The following BMPR1A variants were observed in gnomAD, a reference collection of about 807,000 sequenced individuals.
BMPR1A encodes bone morphogenetic protein receptor type 1A.
BMPR1A carries 7 observed loss-of-function variants against 66.0 expected under a neutral mutation model. That is an observed-to-expected ratio of 0.11 (90% CI 0.06 to 0.20). BMPR1A has a LOEUF of 0.20. Among genes scored for constraint, BMPR1A ranks in the 10% least tolerant of loss-of-function variants. The pLI is 1.00. For synonymous variants in BMPR1A, 200 were observed against 229.7 expected, an observed-to-expected ratio of 0.87 and a Z score of 1.17; for missense variants, 408 against 669.1, an observed-to-expected ratio of 0.61 and a Z score of 4.31.
chr10:86,868,116 T>C (rs1842807775), intron 2 of BMPR1A, among the ~76,000 whole-genome samples: 1 of 152,214 alleles, frequency 6.6e-6, no homozygotes, highest in African/African-American at 2.4e-5. Flanking sequence ...TGGTTGGCTC[T>C]CTTTGCTCCT....
intron 1 of BMPR1A, among the ~76,000 whole-genome samples, chr10:86,758,165 G>A (rs148854357): frequency 4.6e-5 from 7 of 152,312 alleles, no homozygotes; most frequent in Non-Finnish European, 1.0e-4. Context: ...AAGGCCGATT[G>A]AAATGTAGAA....
At position 86,770,376 on chromosome 10, in the gene BMPR1A, C is replaced by T. The variant is rs142285264; in HGVS notation, c.-268+13457C>T. On this transcript the variant is annotated intron_variant, in intron 1 of 12. Coordinates refer to ENST00000372037, the MANE Select transcript of BMPR1A (RefSeq NM_004329.3). ...GCAGTGAGCTATGATCTTATCACTGCACTTCAGTCTGCGAGAGAGAGACCC... is the reference window on the plus strand; with the variant it reads ...GCAGTGAGCTATGATCTTATCACTGTACTTCAGTCTGCGAGAGAGAGACCC... 8.9e-3 allele frequency among the ~76,000 whole-genome samples: 1,283 copies of T among 144,720 alleles called. 20 individuals are homozygous for T. Among genetic ancestry groups the T allele is most frequent in the African/African-American group, 0.034 (1,169 of 34,800 alleles). The allele number at this position is 144,720 out of a possible 152,430, so 94.9% of individuals were successfully genotyped here. A position where few individuals can be genotyped will look rare whatever the true frequency, so the allele number is the denominator to read the frequency against.
chr10:86,820,552 C>T (rs572815840), intron 1 of BMPR1A, among the ~76,000 whole-genome samples: 11 of 152,208 alleles, frequency 7.2e-5, no homozygotes, highest in Non-Finnish European at 1.3e-4. Context: ...TCTCATTATC[C>T]ATCTCTCCAT....
Position 86,845,726 on chromosome 10 carries a change from A to G in BMPR1A, c.-153+6747A>G, listed in dbSNP as rs546909450. 2.6e-5 allele frequency among the ~76,000 whole-genome samples: 4 copies of G among 152,306 alleles called. No homozygotes were observed. In the South Asian group the frequency reaches 8.3e-4, roughly 32 times the overall value. The stretch of plus-strand genomic sequence containing the variant: ...ACTAAAAGAAATATCTAACAGGTGC[A>G]GTGGCTCACGCCTGTAATCCCAGCA... On this transcript the variant is annotated intron_variant, in intron 2 of 12. Coordinates refer to ENST00000372037, the MANE Select transcript of BMPR1A (RefSeq NM_004329.3).
chr10:86,779,505 A>G (rs959026339), intron 1 of BMPR1A, among the ~76,000 whole-genome samples: 5 of 152,104 alleles, frequency 3.3e-5, no homozygotes, highest in African/African-American at 1.2e-4. Context: ...TTACTTGTAT[A>G]TTCTGGATAT....
At position 86,779,451 on chromosome 10, in the gene BMPR1A, T is replaced by TTTGCCCAA. The variant is rs1292882776; in HGVS notation, c.-268+22534_-268+22535insGCCCAATT. Among the ~76,000 whole-genome samples the TTTGCCCAA allele has an allele frequency of 2.6e-5, 4 of 152,216 alleles. No individual in the cohort carries two copies. In the East Asian group the frequency reaches 7.7e-4, roughly 29 times the overall value. ...TTTTCCCCGTTTGCCCATTTGCCCA[T>TTTGCCCAA]TTTTAATTGGATTGTTTATCTTTTT... is the stretch of plus-strand genomic sequence containing the variant. On this transcript the variant is annotated intron_variant, in intron 1 of 12. Coordinates refer to ENST00000372037, the MANE Select transcript of BMPR1A (RefSeq NM_004329.3).
intron 1 of BMPR1A, among the ~76,000 whole-genome samples, chr10:86,805,485 G>A (rs185548224): frequency 1.6e-3 from 169 of 108,556 alleles, no homozygotes; most frequent in African/African-American, 5.1e-3. Flanking sequence ...TTTTTGAGAC[G>A]GAGTCTCGCT....
At chr10:86,808,970 A>G (rs1407792134) in intron 1 of BMPR1A, among the ~76,000 whole-genome samples, 1 of 152,112 alleles carries the variant, frequency 6.6e-6, no homozygotes, top group African/African-American at 2.4e-5. Flanking sequence ...TGAATTGTAA[A>G]TTATAATCCT....
At chr10:86,891,321 G>C (rs530638840) in intron 4 of BMPR1A, among the ~76,000 whole-genome samples, 3 of 152,178 alleles carry the variant, frequency 2.0e-5, no homozygotes, top group Non-Finnish European at 4.4e-5. Flanking sequence ...CTGTCTGTTA[G>C]TAGCTTAGTA....
chr10:86,898,321 A>G (rs11594941), intron 5 of BMPR1A, among the ~76,000 whole-genome samples: 23,427 of 151,940 alleles, frequency 0.15, 2,709 homozygotes, highest in East Asian at 0.67. Context: ...ATAACATTCC[A>G]TTATCTATTG....
intron 1 of BMPR1A, among the ~76,000 whole-genome samples, chr10:86,768,133 A>T (rs1158705882): frequency 6.6e-6 from 1 of 152,232 alleles, no homozygotes; most frequent in East Asian, 1.9e-4. Context: ...TTAATTTATC[A>T]GACCTCAATT....
At chr10:86,769,136 G>GGCATTT (rs1259429763) in intron 1 of BMPR1A, among the ~76,000 whole-genome samples, 4 of 152,178 alleles carry the variant, frequency 2.6e-5, no homozygotes, top group Admixed American at 2.6e-4. Flanking sequence ...AAATGCTTCT[G>GGCATTT]TGTATCATCA....
intron 1 of BMPR1A, among the ~76,000 whole-genome samples, chr10:86,770,030 A>G (rs988790636): frequency 7.9e-5 from 12 of 151,878 alleles, no homozygotes; most frequent in African/African-American, 2.9e-4. Context: ...GGTGATGCAG[A>G]CCTATAATCG....
intron 2 of BMPR1A, among the ~76,000 whole-genome samples, chr10:86,847,954 T>TA (rs561121952): frequency 2.0e-3 from 305 of 151,518 alleles, no homozygotes; most frequent in Non-Finnish European, 3.0e-3. Context: ...TTTTTTGAGA[T>TA]AGAGTCTCCA....
intron 8 of BMPR1A, among the ~76,000 whole-genome samples, chr10:86,913,475 T>A (rs1460647616): frequency 6.6e-6 from 1 of 151,936 alleles, no homozygotes; most frequent in East Asian, 1.9e-4. Flanking sequence ...CTAATTGAAT[T>A]GGAAAGGTAA....
intron 7 of BMPR1A, among the ~76,000 whole-genome samples, chr10:86,908,436 C>G (rs1484426152): frequency 6.6e-6 from 1 of 152,198 alleles, no homozygotes; most frequent in Non-Finnish European, 1.5e-5. Flanking sequence ...AGGAGGTGTT[C>G]AGTCTAGTAC....
chr10:86,809,878 A>G (rs965150383), intron 1 of BMPR1A, among the ~76,000 whole-genome samples: 1 of 152,066 alleles, frequency 6.6e-6, no homozygotes, highest in Admixed American at 6.6e-5. Context: ...GGAATTGCAT[A>G]TTTGTGCCTG....
chr10:86,907,228 C>T (rs899729223), intron 7 of BMPR1A, among the ~76,000 whole-genome samples: 18 of 152,210 alleles, frequency 1.2e-4, no homozygotes, highest in African/African-American at 4.3e-4. Context: ...TAATGGGTCT[C>T]ATAAGTTTAT....
intron 3 of BMPR1A, 129 bp from the exon 4 acceptor site, chr10:86,889,933 T>G (rs1754200099): frequency 3.0e-6 from 3 of 1,004,128 alleles, no homozygotes. Context: ...AAATTTATAT[T>G]TCTAAAGAAA....
Sources: gnomAD v4.1 joint callset for allele counts (sites outside exome capture counted in the v4.1 genomes callset) on GRCh38, gnomAD v4.1.1 for gene constraint, MANE v1.5 for transcripts, NCBI Gene and HGNC (gene_info 2026-07-23, HGNC 2026-07-21) for gene names.